Variants in ANKRD30BL observed in about 807,000 individuals in gnomAD.
ANKRD30BL encodes the protein putative ankyrin repeat domain-containing protein 30B-like.
A neutral mutation model predicts 18.4 loss-of-function variants in ANKRD30BL; 20 were observed. The ratio of observed to expected loss-of-function variants is 1.09; its 90% confidence interval spans 0.77 to 1.58. ANKRD30BL has a LOEUF of 1.58. Ranked by LOEUF, ANKRD30BL falls within the 40% of genes most tolerant of loss-of-function variation. The pLI is 0.00. For synonymous variants in ANKRD30BL, 72 were observed against 100.9 expected, an observed-to-expected ratio of 0.71 and a Z score of 1.72; for missense variants, 224 against 268.6, an observed-to-expected ratio of 0.83 and a Z score of 1.16.
rs559636936 is a variant in ANKRD30BL at position 132,197,209 on chromosome 2, A to G, written n.442-40063T>C. On this transcript the variant is annotated intron_variant and non_coding_transcript_variant, in intron 1 of 4. Coordinates refer to the ANKRD30BL transcript ENST00000470729. ...AGACTTGAGGACTCTAATTTAAAGT[A>G]TAAAACAAGTGCTGAGCAGAAGAAA... Among the ~76,000 whole-genome samples the G allele has an allele frequency of 1.7e-3, 264 of 152,392 alleles. 1 individual carries two copies. The highest frequency in any genetic ancestry group is 3.4e-3 in the Middle Eastern group (1 of 294).
chr2:132,248,219 C>T (rs1403351702), intron 1 of ANKRD30BL, among the ~76,000 whole-genome samples: 1 of 151,910 alleles, frequency 6.6e-6, no homozygotes, highest in Non-Finnish European at 1.5e-5. Flanking sequence ...GATGAATACA[C>T]TCATCACAAA....
At chr2:132,195,561 T>C (rs1678945529) in intron 1 of ANKRD30BL, among the ~76,000 whole-genome samples, 1 of 151,416 alleles carries the variant, frequency 6.6e-6, no homozygotes, top group Non-Finnish European at 1.5e-5. Context: ...GAGGCTGAGA[T>C]GGGTAAATCA....
chr2:132,207,396 G>A (rs1679231028), intron 1 of ANKRD30BL, among the ~76,000 whole-genome samples: 2 of 151,838 alleles, frequency 1.3e-5, no homozygotes, highest in South Asian at 2.1e-4. Flanking sequence ...GCATTCACAA[G>A]GCACACAGTT....
intron 1 of ANKRD30BL, among the ~76,000 whole-genome samples, chr2:132,230,733 A>G (rs1396271798): frequency 6.6e-6 from 1 of 152,172 alleles, no homozygotes; most frequent in African/African-American, 2.4e-5. Flanking sequence ...CTTTTGATAG[A>G]GCAGATTTGA....
intron 1 of ANKRD30BL, among the ~76,000 whole-genome samples, chr2:132,256,286 G>A (rs75680686): frequency 6.7e-6 from 1 of 149,908 alleles, no homozygotes; most frequent in African/African-American, 2.5e-5. Flanking sequence ...GGGCGTGGGG[G>A]AGGGAGGGAG....
intron 1 of ANKRD30BL, among the ~76,000 whole-genome samples, chr2:132,245,363 G>T (rs1680467757): frequency 6.7e-6 from 1 of 149,890 alleles, no homozygotes; most frequent in African/African-American, 2.4e-5. Flanking sequence ...TTATACAGCA[G>T]ATTGGAAACA....
intron 5 of ANKRD30BL, among the ~76,000 whole-genome samples, chr2:132,150,251 T>C (rs1687722612): frequency 7.7e-6 from 1 of 130,636 alleles, no homozygotes; most frequent in African/African-American, 3.8e-5. Context: ...AATAATTTAT[T>C]TGTTAAATTA....
chr2:132,239,096 C>T (rs537583064), intron 1 of ANKRD30BL, among the ~76,000 whole-genome samples: 12 of 151,954 alleles, frequency 7.9e-5, no homozygotes, highest in East Asian at 5.8e-4. Context: ...ACATTTGGAG[C>T]GCTTTAGCGC....
intron 1 of ANKRD30BL, among the ~76,000 whole-genome samples, chr2:132,211,782 A>G (rs1379464958): frequency 1.6e-4 from 24 of 151,848 alleles, no homozygotes; most frequent in Non-Finnish European, 2.6e-4. Flanking sequence ...CTTCTTTGTG[A>G]TGTGTGCATT....
chr2:132,151,194 A>G (rs145293037), intron 4 of ANKRD30BL, among the ~76,000 whole-genome samples: 1,629 of 152,302 alleles, frequency 0.011, 22 homozygotes, highest in African/African-American at 0.037. Flanking sequence ...TGAGGGCAGT[A>G]TAACTCAGTA....
At chr2:132,180,865 A>C (rs1688448217) in intron 1 of ANKRD30BL, among the ~76,000 whole-genome samples, 2 of 152,128 alleles carry the variant, frequency 1.3e-5, no homozygotes, top group Non-Finnish European at 2.9e-5. Context: ...AGTGAGGGAT[A>C]GTCCAGGCGA....
At chr2:132,232,197 T>C (rs1680041121) in intron 1 of ANKRD30BL, among the ~76,000 whole-genome samples, 1 of 152,066 alleles carries the variant, frequency 6.6e-6, no homozygotes, top group South Asian at 2.1e-4. Context: ...ATCACCATCA[T>C]CAAAGACCAA....
At chr2:132,253,240 A>C (rs1680714838) in intron 1 of ANKRD30BL, 1 of 169,648 alleles carries the variant, frequency 5.9e-6, no homozygotes, top group Non-Finnish European at 1.3e-5. Context: ...TGCAGTTCAC[A>C]TTAATTCTCC....
chr2:132,168,330 G>A (rs775058098), intron 1 of ANKRD30BL, among the ~76,000 whole-genome samples: 1 of 152,002 alleles, frequency 6.6e-6, no homozygotes, highest in African/African-American at 2.4e-5. Flanking sequence ...AAATTTGAAG[G>A]GTTTCTTGTG....
chr2:132,248,883 C>T (rs1319087736), intron 1 of ANKRD30BL, among the ~76,000 whole-genome samples: 1 of 151,950 alleles, frequency 6.6e-6, no homozygotes, highest in Non-Finnish European at 1.5e-5. Flanking sequence ...AAGAATGGTT[C>T]AACTCTGTGA....
chr2:132,222,043 CG>C (rs763901690), intron 1 of ANKRD30BL, among the ~76,000 whole-genome samples: 4,777 of 44,258 alleles, frequency 0.11, 547 homozygotes, highest in African/African-American at 0.28. Flanking sequence ...GGGAGGGAGG[CG>C]GGGGGGGGGG....
At chr2:132,206,551 A>G (rs1314879257) in intron 1 of ANKRD30BL, among the ~76,000 whole-genome samples, 3 of 152,160 alleles carry the variant, frequency 2.0e-5, no homozygotes, top group Non-Finnish European at 4.4e-5. Flanking sequence ...AAACTACTTC[A>G]TGGCTTGTGA....
intron 3 of ANKRD30BL, 54 bp from the exon 4 acceptor site, chr2:132,154,822 G>C (rs1309345935): frequency 1.6e-6 from 1 of 640,770 alleles, no homozygotes; most frequent in Non-Finnish European, 2.8e-6. Flanking sequence ...TTTCTCAGCT[G>C]AATTGAATAC....
chr2:132,228,061 T>G (rs181297662), intron 1 of ANKRD30BL, among the ~76,000 whole-genome samples: 4 of 152,072 alleles, frequency 2.6e-5, no homozygotes, highest in Non-Finnish European at 4.4e-5. Flanking sequence ...TTTGGAGCAC[T>G]TTTAGGCTTA....
Sources: allele counts gnomAD v4.1 joint callset (sites outside exome capture counted in the v4.1 genomes callset), GRCh38; gene constraint gnomAD v4.1.1; transcripts MANE v1.5; gene names NCBI Gene and HGNC (gene_info 2026-07-23, HGNC 2026-07-21).